Variants in IQCM observed in about 807,000 individuals in gnomAD.
IQCM encodes IQ domain-containing protein M.
A neutral mutation model predicts 57.6 loss-of-function variants in IQCM; 45 were observed. The observed-to-expected ratio is 0.78, with a 90% CI of 0.62 to 1.00. The LOEUF is 1.00. Among genes scored for constraint, IQCM ranks in the 50% least tolerant of loss-of-function variants. The pLI, the probability that IQCM is intolerant of heterozygous loss-of-function variation, is 0.00. For synonymous variants in IQCM, 148 were observed against 158.9 expected, an observed-to-expected ratio of 0.93 and a Z score of 0.51; for missense variants, 468 against 511.6, an observed-to-expected ratio of 0.91 and a Z score of 0.82.
intron 2 of IQCM, chr4:149,790,144 C>A: frequency 3.6e-6 from 2 of 562,850 alleles, no homozygotes; most frequent in South Asian, 3.1e-5. Context: ...TTGGAATGAT[C>A]TGTGAACATT....
intron 2 of IQCM, among the ~76,000 whole-genome samples, chr4:149,783,542 T>C (rs572054335): frequency 6.6e-6 from 1 of 152,308 alleles, no homozygotes; most frequent in South Asian, 2.1e-4. Context: ...ATCAAGTCAC[T>C]GCCAGCACAA....
chr4:149,448,575 T>A (rs1392658154), intron 12 of IQCM, among the ~76,000 whole-genome samples: 2 of 151,358 alleles, frequency 1.3e-5, no homozygotes, highest in Non-Finnish European at 3.0e-5. Context: ...TTATTTAAGA[T>A]CAATAGAATT....
intron 9 of IQCM, among the ~76,000 whole-genome samples, chr4:149,581,506 C>T (rs1215862737): frequency 2.6e-5 from 4 of 150,996 alleles, no homozygotes. Context: ...AGAGAAAGAA[C>T]AGGAAGGAAG....
intron 7 of IQCM, among the ~76,000 whole-genome samples, chr4:149,646,847 G>A (rs1050381834): frequency 6.6e-6 from 1 of 152,064 alleles, no homozygotes; most frequent in African/African-American, 2.4e-5. Flanking sequence ...AGCTGGGTGT[G>A]GTGGCAGGCG....
chr4:149,454,384 G>C (rs1409188417), intron 12 of IQCM, among the ~76,000 whole-genome samples: 2 of 151,706 alleles, frequency 1.3e-5, no homozygotes, highest in Middle Eastern at 3.2e-3. Flanking sequence ...ACCAAATATT[G>C]CATGTTGCTA....
At chr4:149,623,754 C>T (rs558616105) in intron 7 of IQCM, among the ~76,000 whole-genome samples, 4 of 144,194 alleles carry the variant, frequency 2.8e-5, no homozygotes, top group Non-Finnish European at 4.5e-5. Context: ...TGTGTGTGTA[C>T]ACATGTGCAC....
chr4:149,725,922 C>A (rs1580132866), intron 5 of IQCM, among the ~76,000 whole-genome samples: 2 of 151,942 alleles, frequency 1.3e-5, no homozygotes, highest in Admixed American at 1.3e-4. Context: ...TTCTACTAAT[C>A]CTATTTTCCT....
At chr4:149,714,196 G>C (rs184505008) in intron 5 of IQCM, among the ~76,000 whole-genome samples, 1 of 152,254 alleles carries the variant, frequency 6.6e-6, no homozygotes, top group Admixed American at 6.5e-5. Context: ...CTGCTCCTGG[G>C]AAGACAATCT....
intron 13 of IQCM, among the ~76,000 whole-genome samples, chr4:149,377,872 C>T (rs1453830734): frequency 6.6e-6 from 1 of 152,128 alleles, no homozygotes; most frequent in Non-Finnish European, 1.5e-5. Flanking sequence ...ACACAACTGC[C>T]TATCACATCC....
intron 12 of IQCM, among the ~76,000 whole-genome samples, chr4:149,462,814 C>A (rs1738447261): frequency 6.6e-6 from 1 of 152,162 alleles, no homozygotes; most frequent in Non-Finnish European, 1.5e-5. Flanking sequence ...AATTAGACTG[C>A]TGAATTATTC....
chr4:149,638,663 G>C (rs1031033419), intron 7 of IQCM, among the ~76,000 whole-genome samples: 1 of 152,170 alleles, frequency 6.6e-6, no homozygotes, highest in South Asian at 2.1e-4. Flanking sequence ...CGTACTGTAG[G>C]ATTTCATATA....
intron 12 of IQCM, among the ~76,000 whole-genome samples, chr4:149,545,745 G>C (rs905410465): frequency 6.6e-6 from 1 of 151,848 alleles, no homozygotes; most frequent in Non-Finnish European, 1.5e-5. Flanking sequence ...CTATATTGCA[G>C]CATATTCACA....
In IQCM at chr4:149,706,818, C is replaced by T. The variant is rs189719265; in HGVS notation, c.386-20350G>A. On this transcript the variant is annotated intron_variant, in intron 5 of 13. Transcript: ENST00000636793. The stretch of plus-strand genomic sequence containing the variant: ...CCTTGAGTGGAAATTCACTGAGGCT[C>T]TCTGGACCTCTCTTTTTTATTCCTA... Among the ~76,000 whole-genome samples the T allele has an allele frequency of 1.5e-3, 226 of 152,024 alleles. 1 individual carries two copies. Among genetic ancestry groups the T allele is most frequent in the African/African-American group, 5.3e-3 (219 of 41,498 alleles).
At chr4:149,673,931 C>A (rs2150185149) in intron 7 of IQCM, among the ~76,000 whole-genome samples, 1 of 152,220 alleles carries the variant, frequency 6.6e-6, no homozygotes, top group South Asian at 2.1e-4. Flanking sequence ...GCCATGAAAG[C>A]AAACTCTAAA....
intron 11 of IQCM, among the ~76,000 whole-genome samples, chr4:149,550,566 C>G (rs775372876): frequency 1.3e-5 from 2 of 152,070 alleles, no homozygotes; most frequent in African/African-American, 4.8e-5. Context: ...GTGCCCTTAA[C>G]CTGTATATTA....
chr4:149,758,275 G>A (rs1769176584), intron 2 of IQCM, among the ~76,000 whole-genome samples: 1 of 152,104 alleles, frequency 6.6e-6, no homozygotes, highest in South Asian at 2.1e-4. Flanking sequence ...TGGACATCCA[G>A]ATGCAAAAAC....
intron 13 of IQCM, among the ~76,000 whole-genome samples, chr4:149,421,938 G>T (rs1449051112): frequency 6.6e-6 from 1 of 151,954 alleles, no homozygotes; most frequent in Non-Finnish European, 1.5e-5. Flanking sequence ...TTTGAACTGA[G>T]ATTTACATAA....
chr4:149,710,471 T>C (rs964792116), intron 5 of IQCM, among the ~76,000 whole-genome samples: 1 of 152,138 alleles, frequency 6.6e-6, no homozygotes, highest in Admixed American at 6.5e-5. Context: ...AAAGTAATCA[T>C]GCCCTCACCT....
At chr4:149,541,965 T>G (rs989903321) in intron 12 of IQCM, among the ~76,000 whole-genome samples, 8 of 152,214 alleles carry the variant, frequency 5.3e-5, no homozygotes, top group Admixed American at 4.6e-4. Context: ...ATGAAGATGA[T>G]AGACAATCTA....
Sources: allele counts gnomAD v4.1 joint callset (sites outside exome capture counted in the v4.1 genomes callset), GRCh38; gene constraint gnomAD v4.1.1; transcripts MANE v1.5; gene names NCBI Gene and HGNC (gene_info 2026-07-23, HGNC 2026-07-21).